The following FGF12 variants were observed in gnomAD, a reference collection of about 807,000 sequenced individuals.
FGF12 encodes fibroblast growth factor 12B.
A neutral mutation model predicts 23.6 loss-of-function variants in FGF12; 14 were observed. That is an observed-to-expected ratio of 0.59 (90% confidence interval 0.39 to 0.93). The LOEUF is 0.93. Among genes scored for constraint, FGF12 ranks in the 40% least tolerant of loss-of-function variants. The probability of loss-of-function intolerance (pLI) is 0.00; values close to 1 mark genes in which losing one functional copy is unlikely to be tolerated. For missense variants in FGF12, 175 were observed against 217.8 expected, an observed-to-expected ratio of 0.80 and a Z score of 1.24; for synonymous variants, 62 against 77.3, an observed-to-expected ratio of 0.80 and a Z score of 1.04.
At chr3:192,578,269 C>T (rs749534789) in intron 2 of FGF12, among the ~76,000 whole-genome samples, 3 of 152,180 alleles carry the variant, frequency 2.0e-5, no homozygotes, top group Non-Finnish European at 4.4e-5. Context: ...CTAATTTAGT[C>T]TTCCTAAACT....
intron 4 of FGF12, among the ~76,000 whole-genome samples, chr3:192,243,890 A>T (rs1408070500): frequency 1.3e-5 from 2 of 152,114 alleles, no homozygotes; most frequent in Admixed American, 1.3e-4. Flanking sequence ...AAAGACCAAG[A>T]TCCAAATAAG....
chr3:192,636,506 T>C (rs1269717937), intron 2 of FGF12, among the ~76,000 whole-genome samples: 1 of 152,230 alleles, frequency 6.6e-6, no homozygotes, highest in South Asian at 2.1e-4. Context: ...ACAAATAGTT[T>C]CATAAATCTC....
At chr3:192,507,105 C>A (rs564646999) in intron 2 of FGF12, among the ~76,000 whole-genome samples, 1 of 151,580 alleles carries the variant, frequency 6.6e-6, no homozygotes, top group Non-Finnish European at 1.5e-5. Context: ...TGTTAGCCAG[C>A]ATGGTCTTGA....
At chr3:192,656,233 G>C (rs4234624) in intron 2 of FGF12, among the ~76,000 whole-genome samples, 84,680 of 150,192 alleles carry the variant, frequency 0.56, 24,284 homozygotes, top group East Asian at 0.67. Context: ...TCCTTTCTTA[G>C]TATCCTTTAA....
At chr3:192,203,493 A>C (rs1472461267) in intron 4 of FGF12, among the ~76,000 whole-genome samples, 3 of 151,776 alleles carry the variant, frequency 2.0e-5, no homozygotes, top group African/African-American at 7.3e-5. Flanking sequence ...ATTTGGATAC[A>C]TGTTGCATTT....
intron 2 of FGF12, among the ~76,000 whole-genome samples, chr3:192,559,034 T>A (rs982218220): frequency 6.6e-6 from 1 of 151,880 alleles, no homozygotes; most frequent in African/African-American, 2.4e-5. Context: ...TCATATCGCT[T>A]TTCACAAGGA....
At chr3:192,517,753 T>G (rs868732592) in intron 2 of FGF12, among the ~76,000 whole-genome samples, 3 of 152,190 alleles carry the variant, frequency 2.0e-5, no homozygotes, top group Admixed American at 6.5e-5. Context: ...AGGGACTTGA[T>G]CAGTAGAATT....
At position 192,216,026 on chromosome 3, in the gene FGF12, G is replaced by A. The variant is rs144048674; in HGVS notation, c.229-45370C>T. Among the ~76,000 whole-genome samples, 334 of 152,164 alleles carry A rather than the reference G, an allele frequency of 2.2e-3. 2 individuals carry two copies. The highest frequency in any genetic ancestry group is 5.5e-3 in the African/African-American group (230 of 41,522). On this transcript the variant is annotated intron_variant, in intron 4 of 5. Coordinates refer to ENST00000445105, the MANE Select transcript of FGF12 (RefSeq NM_004113.6). The stretch of plus-strand genomic sequence containing the variant: ...GCACGTGAGTTTCTATTATGTACAA[G>A]GCACCTTGCTAGACCCTAGGAATAT...
chr3:192,411,307 C>T (rs1721193214), intron 2 of FGF12, among the ~76,000 whole-genome samples: 1 of 152,202 alleles, frequency 6.6e-6, no homozygotes, highest in Non-Finnish European at 1.5e-5. Flanking sequence ...AAAGCAGAGG[C>T]TGGCAGATAG....
At chr3:192,561,553 G>A (rs777839744) in intron 2 of FGF12, among the ~76,000 whole-genome samples, 11 of 151,984 alleles carry the variant, frequency 7.2e-5, no homozygotes, top group African/African-American at 1.2e-4. Context: ...TAGTAGAGAT[G>A]GGGTTTCACC....
At chr3:192,577,143 G>A (rs961522703) in intron 2 of FGF12, among the ~76,000 whole-genome samples, 18 of 152,036 alleles carry the variant, frequency 1.2e-4, no homozygotes, top group Admixed American at 2.6e-4. Context: ...ACAATGGCAC[G>A]TGTATACCTA....
chr3:192,575,761 G>A (rs571513608), intron 2 of FGF12, among the ~76,000 whole-genome samples: 1 of 151,150 alleles, frequency 6.6e-6, no homozygotes, highest in Non-Finnish European at 1.5e-5. Flanking sequence ...AAATGACTCT[G>A]GCCTATTGAT....
intron 2 of FGF12, among the ~76,000 whole-genome samples, chr3:192,593,746 C>T (rs1195006655): frequency 6.6e-6 from 1 of 151,874 alleles, no homozygotes; most frequent in African/African-American, 2.4e-5. Context: ...TTTTTCAATT[C>T]AAAGCTAGGC....
At position 192,663,865 on chromosome 3, in the gene FGF12, C is replaced by A. The variant is rs1473975759; in HGVS notation, c.13+63316G>T. ...CATAGAGATCTGACAATAATGGTGA[C>A]AACATCCGTTTGTTCTGTGTTTGCA... On this transcript the variant is annotated intron_variant, in intron 2 of 5. Coordinates refer to ENST00000445105, the MANE Select transcript of FGF12 (RefSeq NM_004113.6). Among the ~76,000 whole-genome samples the A allele has an allele frequency of 2.0e-5, 3 of 152,066 alleles. No homozygotes were observed. In the East Asian group the frequency reaches 5.8e-4, roughly 29 times the overall value.
intron 2 of FGF12, among the ~76,000 whole-genome samples, chr3:192,695,103 T>C (rs548006244): frequency 2.0e-5 from 3 of 152,300 alleles, no homozygotes; most frequent in African/African-American, 7.2e-5. Flanking sequence ...ACTGTGTCTA[T>C]GTGTATCAAA....
chr3:192,144,918 A>G (rs1176490511), intron 5 of FGF12, among the ~76,000 whole-genome samples: 1 of 152,244 alleles, frequency 6.6e-6, no homozygotes, highest in Non-Finnish European at 1.5e-5. Flanking sequence ...CTTGTGAAAT[A>G]GACAAATGTG....
chr3:192,518,976 TAA>T (rs1453612024), intron 2 of FGF12, among the ~76,000 whole-genome samples: 1 of 152,168 alleles, frequency 6.6e-6, no homozygotes, highest in African/African-American at 2.4e-5. Flanking sequence ...TTTTTTATCA[TAA>T]GTTTCCACTT....
At chr3:192,592,082 T>C (rs762388009) in intron 2 of FGF12, among the ~76,000 whole-genome samples, 3 of 151,894 alleles carry the variant, frequency 2.0e-5, no homozygotes, top group Non-Finnish European at 4.4e-5. Context: ...TTAGGACAAG[T>C]AGCCCTGTAT....
chr3:192,214,925 T>A (rs1374169259), intron 4 of FGF12, among the ~76,000 whole-genome samples: 3 of 152,254 alleles, frequency 2.0e-5, no homozygotes, highest in Non-Finnish European at 4.4e-5. Context: ...TCCTTAGGAA[T>A]GAATTTATTC....
Sources: gnomAD v4.1 joint callset for allele counts (sites outside exome capture counted in the v4.1 genomes callset) on GRCh38, gnomAD v4.1.1 for gene constraint, MANE v1.5 for transcripts, NCBI Gene and HGNC (gene_info 2026-07-23, HGNC 2026-07-21) for gene names.